The following ARFGEF1 variants were observed in gnomAD, a reference collection of about 807,000 sequenced individuals.
ARFGEF1 encodes ARF guanine nucleotide exchange factor 1.
ARFGEF1 carries 42 observed loss-of-function variants against 231.0 expected under a neutral mutation model. The ratio of observed to expected loss-of-function variants is 0.18; its 90% CI spans 0.14 to 0.24. The LOEUF is 0.24. ARFGEF1 is among the 10% of genes least tolerant of loss of function. ARFGEF1 has a pLI of 1.00. For synonymous variants in ARFGEF1, 710 were observed against 732.3 expected, an observed-to-expected ratio of 0.97 and a Z score of 0.49; for missense variants, 1,345 against 2,192.0, an observed-to-expected ratio of 0.61 and a Z score of 7.72.
At chr8:67,204,190 C>G (rs1260606701) in intron 35 of ARFGEF1, among the ~76,000 whole-genome samples, 1 of 152,130 alleles carries the variant, frequency 6.6e-6, no homozygotes, top group Non-Finnish European at 1.5e-5. Flanking sequence ...TCTCTTCTCT[C>G]TCTCTCTCCC....
intron 5 of ARFGEF1, among the ~76,000 whole-genome samples, chr8:67,175,865 G>A (rs1406577003): frequency 6.6e-6 from 1 of 152,228 alleles, no homozygotes; most frequent in Non-Finnish European, 1.5e-5. Context: ...AATCTGTAAA[G>A]CATCAGACTG....
chr8:67,207,598 G>A (rs975854553), intron 34 of ARFGEF1, among the ~76,000 whole-genome samples: 1 of 152,212 alleles, frequency 6.6e-6, no homozygotes, highest in African/African-American at 2.4e-5. Flanking sequence ...AGAGAGCAAA[G>A]CTAAGCAGAT....
chr8:67,253,700 C>A, intron 17 of ARFGEF1, 78 bp from the exon 18 acceptor site: 2 of 766,446 alleles, frequency 2.6e-6, no homozygotes, highest in East Asian at 3.2e-5. Context: ...TGAATATTTA[C>A]ATAAGAGATT....
At chr8:67,259,156 T>C (rs1221725460) in intron 15 of ARFGEF1, among the ~76,000 whole-genome samples, 1 of 152,246 alleles carries the variant, frequency 6.6e-6, no homozygotes, top group Non-Finnish European at 1.5e-5. Context: ...AATCCACAGA[T>C]GTAGAATCCA....
intron 18 of ARFGEF1, 57 bp downstream of exon 18, chr8:67,253,392 CTT>C (rs1840359701): frequency 7.8e-7 from 1 of 1,282,360 alleles, no homozygotes; most frequent in Admixed American, 2.3e-5. Flanking sequence ...GTGAAAAACT[CTT>C]AGGAACCCAT....
intron 1 of ARFGEF1, among the ~76,000 whole-genome samples, chr8:67,321,811 C>G (rs1257300983): frequency 1.3e-5 from 2 of 152,172 alleles, no homozygotes; most frequent in East Asian, 3.9e-4. Context: ...CTTTCTGCCA[C>G]TTTAACTTTA....
chr8:67,305,554 T>C lies in ARFGEF1; in HGVS notation c.125-3088A>G, dbSNP rs374074307. Reference sequence around the variant, plus strand: ...TAGAGACGGGGTTTCTCCATGTTGGTCAGGCTGGTCTTGAACTCCTGACCT... The same window carrying C: ...TAGAGACGGGGTTTCTCCATGTTGGCCAGGCTGGTCTTGAACTCCTGACCT... On this transcript the variant is annotated intron_variant, in intron 1 of 38. Coordinates refer to ENST00000262215, the MANE Select transcript of ARFGEF1 (RefSeq NM_006421.5). Among the ~76,000 whole-genome samples the C allele has an allele frequency of 7.2e-5, 11 of 152,114 alleles. No homozygotes were observed. The East Asian group carries it at 1.9e-3, about 27-fold the overall frequency.
chr8:67,210,608 G>A (rs1241435684), intron 34 of ARFGEF1, among the ~76,000 whole-genome samples: 1 of 152,160 alleles, frequency 6.6e-6, no homozygotes, highest in African/African-American at 2.4e-5. Flanking sequence ...CAGAACATGG[G>A]GTTGGTTGGC....
chr8:67,182,435 G>T (rs1833287064), intron 5 of ARFGEF1, among the ~76,000 whole-genome samples: 1 of 152,084 alleles, frequency 6.6e-6, no homozygotes, highest in African/African-American at 2.4e-5. Context: ...TGTGAATAAT[G>T]CTCCTATGAA....
intron 4 of ARFGEF1, among the ~76,000 whole-genome samples, chr8:67,298,468 A>G (rs111453192): frequency 6.3e-4 from 96 of 152,340 alleles, no homozygotes; most frequent in African/African-American, 2.1e-3. Flanking sequence ...GAATTGGCGG[A>G]TAAGTAGTGT....
intron 6 of ARFGEF1, among the ~76,000 whole-genome samples, chr8:67,290,585 T>C (rs908055964): frequency 6.6e-6 from 1 of 152,212 alleles, no homozygotes; most frequent in Non-Finnish European, 1.5e-5. Flanking sequence ...CCATCATCTT[T>C]TTAACCTCAA....
In ARFGEF1 at chr8:67,198,309, G is replaced by C. The variant is rs1384076549; in HGVS notation, c.*625C>G. The stretch of plus-strand genomic sequence containing the variant: ...TTTAGTGCATTTGACAAAATATTAT[G>C]GGTATTTAGCAAATGAATAAGAAAA... On this transcript the variant is annotated 3_prime_UTR_variant, in exon 39 of 39. Coordinates refer to ENST00000262215, the MANE Select transcript of ARFGEF1 (RefSeq NM_006421.5). 1.0e-6 allele frequency: 1 copy of C among 983,628 alleles called. No homozygotes were observed. Among genetic ancestry groups the C allele is most frequent in the Non-Finnish European group, 1.2e-6 (1 of 828,122 alleles). The allele number at this position is 983,628 out of a possible 1,614,324, so 60.9% of individuals were successfully genotyped here.
intron 1 of ARFGEF1, among the ~76,000 whole-genome samples, chr8:67,313,386 T>C (rs909920880): frequency 3.3e-5 from 5 of 152,208 alleles, no homozygotes; most frequent in Non-Finnish European, 7.3e-5. Flanking sequence ...AGGGTTGGTT[T>C]TCTGGTTCCT....
At chr8:67,304,593 G>A (rs1043699619) in intron 1 of ARFGEF1, among the ~76,000 whole-genome samples, 2 of 152,200 alleles carry the variant, frequency 1.3e-5, no homozygotes, top group Admixed American at 6.5e-5. Context: ...TTGGGAAGCC[G>A]AGGCACATCG....
chr8:67,328,111 G>T (rs1807924994), intron 1 of ARFGEF1, among the ~76,000 whole-genome samples: 1 of 152,118 alleles, frequency 6.6e-6, no homozygotes, highest in Admixed American at 6.6e-5. Context: ...GGTGAGATAA[G>T]ACATTTTTTT....
At chr8:67,236,018 G>A (rs1839721036) in intron 22 of ARFGEF1, among the ~76,000 whole-genome samples, 1 of 151,798 alleles carries the variant, frequency 6.6e-6, no homozygotes, top group South Asian at 2.1e-4. Context: ...GATATGGGCG[G>A]GCGCAGTAGC....
intron 30 of ARFGEF1, 52 bp downstream of exon 30, chr8:67,219,379 C>G (rs1839071763): frequency 1.1e-5 from 17 of 1,570,992 alleles, no homozygotes; most frequent in Non-Finnish European, 1.5e-5. Flanking sequence ...GATTATAATA[C>G]TGAGAATCTT....
intron 19 of ARFGEF1, among the ~76,000 whole-genome samples, chr8:67,248,381 T>C (rs908014732): frequency 3.3e-5 from 5 of 150,038 alleles, no homozygotes; most frequent in Admixed American, 1.3e-4. Context: ...AGAACATACA[T>C]TGGGAGAAAG....
chr8:67,214,448 GA>G (rs1838856835), intron 33 of ARFGEF1, among the ~76,000 whole-genome samples: 1 of 152,186 alleles, frequency 6.6e-6, no homozygotes, highest in South Asian at 2.1e-4. Flanking sequence ...ATTGATGAAA[GA>G]ACTGTTAAGC....
Sources: gnomAD v4.1 joint callset for allele counts (sites outside exome capture counted in the v4.1 genomes callset) on GRCh38, gnomAD v4.1.1 for gene constraint, MANE v1.5 for transcripts, NCBI Gene and HGNC (gene_info 2026-07-23, HGNC 2026-07-21) for gene names.